The following IRGM variants were observed in gnomAD, a reference collection of about 807,000 sequenced individuals.
IRGM encodes immunity-related GTPase family M protein.
For synonymous variants in IRGM, 98 were observed against 80.6 expected (o/e 1.22, Z -1.16); for missense variants, 288 against 219.9 (o/e 1.31, Z -1.96).
At chr5:150,882,531 A>G (rs1483917374) in intron 3 of IRGM, among the ~76,000 whole-genome samples, 1 of 152,204 alleles carries the variant, frequency 6.6e-6, no homozygotes, top group Admixed American at 6.5e-5. Context: ...GGATGAAAAA[A>G]GATAAACCAT....
intron 1 of IRGM, among the ~76,000 whole-genome samples, chr5:150,854,612 T>C (rs530667825): frequency 6.6e-6 from 1 of 152,316 alleles, no homozygotes; most frequent in South Asian, 2.1e-4. Context: ...TTTCTTTTTC[T>C]TTTAGCACCT....
chr5:150,854,760 T>C (rs1365004551), intron 1 of IRGM, among the ~76,000 whole-genome samples: 2 of 152,138 alleles, frequency 1.3e-5, no homozygotes, highest in Non-Finnish European at 2.9e-5. Flanking sequence ...CTTTTAACAG[T>C]TTGATTACAA....
At chr5:150,854,738 G>A (rs1754028027) in intron 1 of IRGM, among the ~76,000 whole-genome samples, 1 of 152,070 alleles carries the variant, frequency 6.6e-6, no homozygotes, top group Admixed American at 6.5e-5. Flanking sequence ...CTGCTTTTAA[G>A]ATTCTATTAG....
At chr5:150,883,990 C>G (rs1024461378) in intron 3 of IRGM, among the ~76,000 whole-genome samples, 1 of 151,892 alleles carries the variant, frequency 6.6e-6, no homozygotes, top group Admixed American at 6.6e-5. Flanking sequence ...AAATCCTCAA[C>G]AAAATACCAT....
chr5:150,883,376 G>GT (rs59139331), intron 3 of IRGM, among the ~76,000 whole-genome samples: 32,612 of 151,438 alleles, frequency 0.22, 5,752 homozygotes, highest in African/African-American at 0.47. Flanking sequence ...TAAGCCTAGA[G>GT]TAGTAGAAAG....
chr5:150,861,269 C>T (rs1754132251), intron 1 of IRGM, among the ~76,000 whole-genome samples: 1 of 152,108 alleles, frequency 6.6e-6, no homozygotes, highest in Admixed American at 6.5e-5. Context: ...CTCATGTAGC[C>T]TCTCCAAGTG....
chr5:150,881,366 A>T (rs1171856952), intron 3 of IRGM, among the ~76,000 whole-genome samples: 1 of 152,188 alleles, frequency 6.6e-6, no homozygotes, highest in Non-Finnish European at 1.5e-5. Context: ...AAACAAGAAT[A>T]CTGTACCTGG....
intron 3 of IRGM, among the ~76,000 whole-genome samples, chr5:150,883,167 T>A (rs1339042493): frequency 2.6e-5 from 4 of 151,854 alleles, no homozygotes; most frequent in African/African-American, 9.7e-5. Context: ...TTCAGACAAA[T>A]TAAAGTGGAA....
chr5:150,872,201 A>G (rs958501197), intron 1 of IRGM, among the ~76,000 whole-genome samples: 6 of 152,252 alleles, frequency 3.9e-5, no homozygotes, highest in Non-Finnish European at 7.3e-5. Flanking sequence ...AGTTATTTCT[A>G]TCAGCATTCC....
chr5:150,898,373 T>C, intron 3 of IRGM: 1 of 1,612,792 alleles, frequency 6.2e-7, no homozygotes, highest in Non-Finnish European at 8.5e-7. Flanking sequence ...CAGCAACTAG[T>C]AAGGAAAGGC....
At position 150,847,008 on chromosome 5, in the gene IRGM, A is replaced by G. The variant is rs1753873645; in HGVS notation, c.-628A>G. On this transcript the variant is annotated 5_prime_UTR_variant, in exon 1 of 2. Coordinates refer to ENST00000522154, the MANE Select transcript of IRGM (RefSeq NM_001145805.2). ...GCCCCTTGTGGAACCTGCAAGAGCC[A>G]GGTTTGGCGAATGCAATGATAAGCA... The G allele has an allele frequency of 6.6e-6, 1 of 152,402 alleles. No individual in the cohort carries two copies. The highest frequency in any genetic ancestry group is 2.4e-5 in the African/African-American group (1 of 41,456). The allele number at this position is 152,402 out of a possible 1,614,324, so 9.4% of individuals were successfully genotyped here.
At chr5:150,896,899 C>T in intron 3 of IRGM, 4 of 1,613,468 alleles carry the variant, frequency 2.5e-6, no homozygotes, top group Non-Finnish European at 3.4e-6. Context: ...CTTGTGACTC[C>T]TTTCAGTATC....
chr5:150,872,492 C>T (rs1038930666), intron 1 of IRGM, among the ~76,000 whole-genome samples: 3 of 152,166 alleles, frequency 2.0e-5, no homozygotes, highest in Middle Eastern at 3.2e-3. Flanking sequence ...TAGTGTGACC[C>T]ACAAGGAGGT....
chr5:150,895,576 C>T (rs757301239), intron 3 of IRGM: 1 of 1,613,508 alleles, frequency 6.2e-7, no homozygotes, highest in Non-Finnish European at 8.5e-7. Context: ...AAGGCCTTTC[C>T]ACATTCAGCA....
intron 3 of IRGM, chr5:150,897,890 A>G: frequency 1.4e-6 from 1 of 720,272 alleles, no homozygotes; most frequent in African/African-American, 1.8e-5. Context: ...ATATACACAC[A>G]AGAGACAGGA....
Position 150,848,185 on chromosome 5 carries a change from A to G in IRGM, c.62A>G (p.Asn21Ser). ...GGGAACTTGCCAGAGGTGATCTCTA[A>G]CATCAAGGAGACTCTGAAGATAGTG... ...ADGNLPEVIS[N>S]IKETLKIVSR... is the part of the protein sequence containing the mutation. The change falls in exon 2 of 2, where the codon AAC becomes AGC. Residue 21 changes from asparagine to serine, a missense_variant. Asn to Ser is a conservative substitution (Grantham distance 46). Transcript: ENST00000522154. 2 of 1,551,730 alleles carry G rather than the reference A, an allele frequency of 1.3e-6. No individual in the cohort carries two copies. The highest frequency in any genetic ancestry group is 8.7e-7 in the Non-Finnish European group (1 of 1,146,912).
downstream of IRGM, among the ~76,000 whole-genome samples, chr5:150,851,179 C>T (rs1753969308): frequency 1.3e-5 from 2 of 152,074 alleles, no homozygotes; most frequent in Non-Finnish European, 2.9e-5. Flanking sequence ...CTACATATGG[C>T]CCTGGAACAG....
intron 1 of IRGM, among the ~76,000 whole-genome samples, chr5:150,874,908 G>A (rs556734732): frequency 5.6e-4 from 85 of 152,272 alleles, no homozygotes; most frequent in African/African-American, 2.0e-3. Flanking sequence ...TTGACTATGG[G>A]TCATCAAGTT....
chr5:150,887,129 G>A (rs142996838), intron 3 of IRGM, among the ~76,000 whole-genome samples: 44 of 152,008 alleles, frequency 2.9e-4, no homozygotes, highest in African/African-American at 9.9e-4. Flanking sequence ...TCAGAATATG[G>A]ACAGAAACAA....
Sources: allele counts gnomAD v4.1 joint callset (sites outside exome capture counted in the v4.1 genomes callset), GRCh38; gene constraint gnomAD v4.1.1; transcripts MANE v1.5; gene names NCBI Gene and HGNC (gene_info 2026-07-23, HGNC 2026-07-21).